Variants in SCFD2 observed in about 807,000 individuals in gnomAD.
The protein encoded by SCFD2 is sec1 family domain-containing protein 2.
SCFD2 carries 54 observed loss-of-function variants against 58.9 expected under a neutral mutation model. The observed-to-expected ratio is 0.92, with a 90% CI of 0.74 to 1.15. SCFD2 has a LOEUF of 1.15. SCFD2 is among the 50% of genes most tolerant of loss of function. The probability of loss-of-function intolerance (pLI) is 0.00; values close to 1 mark genes in which losing one functional copy is unlikely to be tolerated. For synonymous variants in SCFD2, 321 were observed against 335.9 expected, an observed-to-expected ratio of 0.96 and a Z score of 0.49; for missense variants, 805 against 836.6, an observed-to-expected ratio of 0.96 and a Z score of 0.47.
chr4:53,012,105 G>A (rs1375767222), intron 5 of SCFD2, among the ~76,000 whole-genome samples: 1 of 148,828 alleles, frequency 6.7e-6, no homozygotes, highest in Non-Finnish European at 1.5e-5. Flanking sequence ...ACAACAGCAA[G>A]AAAGATCCTG....
intron 2 of SCFD2, among the ~76,000 whole-genome samples, chr4:53,350,287 C>T (rs1246193480): frequency 6.6e-6 from 1 of 152,134 alleles, no homozygotes; most frequent in Non-Finnish European, 1.5e-5. Context: ...AAAAGGTGGG[C>T]ACAATGGCCA....
At chr4:53,289,157 G>C (rs1359565106) in intron 3 of SCFD2, among the ~76,000 whole-genome samples, 7 of 152,158 alleles carry the variant, frequency 4.6e-5, no homozygotes, top group African/African-American at 1.7e-4. Flanking sequence ...CTGAGATCAG[G>C]AGTTTGAGAC....
At chr4:53,134,080 T>G (rs1051648173) in intron 5 of SCFD2, among the ~76,000 whole-genome samples, 2 of 152,198 alleles carry the variant, frequency 1.3e-5, no homozygotes, top group Non-Finnish European at 2.9e-5. Context: ...AATATGCCAG[T>G]TACAGACGGG....
At chr4:53,288,533 G>A (rs867338145) in intron 3 of SCFD2, among the ~76,000 whole-genome samples, 60 of 152,046 alleles carry the variant, frequency 3.9e-4, no homozygotes, top group African/African-American at 1.4e-3. Context: ...GATTACCAGC[G>A]AATTTCTAAA....
chr4:52,876,290 A>G (rs1718472242), intron 8 of SCFD2, among the ~76,000 whole-genome samples: 1 of 152,208 alleles, frequency 6.6e-6, no homozygotes, highest in Admixed American at 6.5e-5. Flanking sequence ...AGCAACTGTG[A>G]GCTGCTGTAT....
At chr4:53,363,820 C>A (rs1337934152) in intron 1 of SCFD2, among the ~76,000 whole-genome samples, 5 of 112,214 alleles carry the variant, frequency 4.5e-5, no homozygotes, top group Admixed American at 2.0e-4. Context: ...GAGAGAGACT[C>A]CGTCTCAAAA....
intron 5 of SCFD2, among the ~76,000 whole-genome samples, chr4:52,927,432 C>T (rs1719889749): frequency 6.6e-6 from 1 of 152,170 alleles, no homozygotes; most frequent in African/African-American, 2.4e-5. Flanking sequence ...AAGACACCTG[C>T]AGCACAATCT....
chr4:53,249,849 A>C (rs535079436), intron 4 of SCFD2, among the ~76,000 whole-genome samples: 41 of 152,320 alleles, frequency 2.7e-4, no homozygotes, highest in Non-Finnish European at 5.3e-4. Flanking sequence ...AAAAATCATG[A>C]CAAATTGTAA....
At chr4:53,108,087 T>A (rs751947261) in intron 5 of SCFD2, among the ~76,000 whole-genome samples, 25 of 152,120 alleles carry the variant, frequency 1.6e-4, no homozygotes, top group Admixed American at 5.2e-4. Context: ...ACCCCACAAC[T>A]ACATGAAAGC....
chr4:53,019,457 T>C (rs1722294778), intron 5 of SCFD2, among the ~76,000 whole-genome samples: 1 of 152,214 alleles, frequency 6.6e-6, no homozygotes, highest in Non-Finnish European at 1.5e-5. Context: ...CTATTTAAAA[T>C]GTTTATCTTC....
chr4:52,892,138 C>T (rs769203052), intron 7 of SCFD2, among the ~76,000 whole-genome samples: 14 of 152,238 alleles, frequency 9.2e-5, no homozygotes, highest in Non-Finnish European at 8.8e-5. Flanking sequence ...TCCAGTTCTG[C>T]TTCCCAATAG....
chr4:53,255,639 G>A (rs538314593), intron 4 of SCFD2, among the ~76,000 whole-genome samples: 27 of 152,292 alleles, frequency 1.8e-4, no homozygotes, highest in African/African-American at 4.6e-4. Flanking sequence ...GCAACCATCC[G>A]ATTTCTCAAT....
At chr4:52,964,119 A>G (rs1485873428) in intron 5 of SCFD2, among the ~76,000 whole-genome samples, 1 of 152,242 alleles carries the variant, frequency 6.6e-6, no homozygotes, top group East Asian at 1.9e-4. Context: ...GAAGCAGGCC[A>G]CTTAGCAATG....
chr4:53,185,530 T>C (rs1304574756), intron 4 of SCFD2, among the ~76,000 whole-genome samples: 2 of 152,046 alleles, frequency 1.3e-5, no homozygotes, highest in East Asian at 3.8e-4. Context: ...TGTTGTTCCC[T>C]GGCAGGGTCC....
At chr4:53,065,609 T>C (rs1723641563) in intron 5 of SCFD2, among the ~76,000 whole-genome samples, 3 of 152,124 alleles carry the variant, frequency 2.0e-5, no homozygotes. Context: ...TATGTCATAG[T>C]ATCTTTTAGG....
chr4:53,258,944 G>A (rs1279601280), intron 4 of SCFD2, among the ~76,000 whole-genome samples: 1 of 152,054 alleles, frequency 6.6e-6, no homozygotes, highest in Non-Finnish European at 1.5e-5. Flanking sequence ...GTATCACACT[G>A]TGGTTTTGAT....
At chr4:52,985,240 G>C (rs1376364420) in intron 5 of SCFD2, among the ~76,000 whole-genome samples, 1 of 152,160 alleles carries the variant, frequency 6.6e-6, no homozygotes, top group Non-Finnish European at 1.5e-5. Flanking sequence ...TGAAGAGTGG[G>C]ACATGGTATT....
At chr4:53,095,866 C>T (rs1724610530) in intron 5 of SCFD2, among the ~76,000 whole-genome samples, 1 of 151,854 alleles carries the variant, frequency 6.6e-6, no homozygotes, top group Non-Finnish European at 1.5e-5. Context: ...GCTATCCCTC[C>T]CCCCATCCCG....
intron 5 of SCFD2, among the ~76,000 whole-genome samples, chr4:53,070,009 C>T (rs1225483439): frequency 6.6e-6 from 1 of 151,712 alleles, no homozygotes; most frequent in Admixed American, 6.6e-5. Flanking sequence ...TTAGTAAGAC[C>T]ATTTTGAGGG....
Sources: gnomAD v4.1 joint callset for allele counts (sites outside exome capture counted in the v4.1 genomes callset) on GRCh38, gnomAD v4.1.1 for gene constraint, MANE v1.5 for transcripts, NCBI Gene and HGNC (gene_info 2026-07-23, HGNC 2026-07-21) for gene names.